The following NCOR1 variants were observed in gnomAD, a reference collection of about 807,000 sequenced individuals.
The protein encoded by NCOR1 is nuclear receptor corepressor 1, also known as protein phosphatase 1, regulatory subunit 109.
Under a neutral mutation model 288.1 loss-of-function variants are expected in NCOR1, and 63 were observed. That is an observed-to-expected ratio of 0.22 (90% CI 0.18 to 0.27). The LOEUF is 0.27. Among genes scored for constraint, NCOR1 ranks in the 10% least tolerant of loss-of-function variants. The pLI, the probability that NCOR1 is intolerant of heterozygous loss-of-function variation, is 1.00. For missense variants in NCOR1, 2,397 were observed against 3,019.2 expected (o/e 0.79, Z 4.83); for synonymous variants, 1,007 against 1,065.9 (o/e 0.94, Z 1.08).
rs2057167846 is a variant in NCOR1, at chr17:16,039,659, AAG to A, written c.6734-7_6734-6del. The A allele has an allele frequency of 6.2e-7, 1 of 1,609,960 alleles. No individual in the cohort carries two copies. Among genetic ancestry groups the A allele is most frequent in the Non-Finnish European group, 8.5e-7 (1 of 1,177,612 alleles). ...GGCCTCTAGAGCTAACTGAGCCTGAAAGAGAATCAAAAACATTTCCACTTATT... is the reference window on the plus strand; with the variant it reads ...GGCCTCTAGAGCTAACTGAGCCTGAAAGAATCAAAAACATTTCCACTTATT... On this transcript the variant is annotated splice_polypyrimidine_tract_variant and splice_region_variant and intron_variant, in intron 43 of 45. Coordinates refer to ENST00000268712, the MANE Select transcript of NCOR1 (RefSeq NM_006311.4).
At chr17:16,094,775 T>C (rs532548628) in intron 21 of NCOR1, among the ~76,000 whole-genome samples, 116 of 150,878 alleles carry the variant, frequency 7.7e-4, no homozygotes, top group African/African-American at 1.3e-3. Flanking sequence ...CTGTGTTGGC[T>C]GGGCTGGTCT....
chr17:16,148,452 A>T (rs1048714287), intron 9 of NCOR1, among the ~76,000 whole-genome samples: 2 of 152,150 alleles, frequency 1.3e-5, no homozygotes, highest in Admixed American at 6.5e-5. Flanking sequence ...TACTAAAACC[A>T]TATGGCTATC....
At chr17:16,094,770 T>C (rs560243289) in intron 21 of NCOR1, among the ~76,000 whole-genome samples, 35 of 152,218 alleles carry the variant, frequency 2.3e-4, no homozygotes, top group Non-Finnish European at 4.1e-4. Flanking sequence ...TTTCGCTGTG[T>C]TGGCTGGGCT....
rs1345347575 is a variant in NCOR1, at chr17:16,032,068, TTA to T, written c.*226_*227del. ...TCTACATCTCAACCCTCCACTATTA[TTA>T]TAGTCCACTGAATTGCCTGTATCAA... On this transcript the variant is annotated 3_prime_UTR_variant, in exon 46 of 46. Transcript: ENST00000268712. The T allele has an allele frequency of 2.0e-6, 1 of 495,348 alleles. No individual in the cohort carries two copies. Among genetic ancestry groups the T allele is most frequent in the Non-Finnish European group, 3.5e-6 (1 of 284,098 alleles). The allele number at this position is 495,348 out of a possible 1,614,324, so 30.7% of individuals were successfully genotyped here. A position where few individuals can be genotyped will look rare whatever the true frequency, so the allele number is the denominator to read the frequency against.
chr17:16,080,760 A>G, intron 23 of NCOR1, 33 bp from the exon 24 acceptor site: 1 of 1,586,250 alleles, frequency 6.3e-7, no homozygotes. Context: ...TTTAAAGATT[A>G]AGCAAACATT....
chr17:16,186,716 A>G (rs375986763), intron 2 of NCOR1, 29 bp from the exon 3 acceptor site: 4 of 1,602,738 alleles, frequency 2.5e-6, no homozygotes, highest in Non-Finnish European at 3.4e-6. Flanking sequence ...TAAATCAATT[A>G]TTAACCAAAA....
At chr17:16,068,316 CTG>C (rs2061359494) in intron 31 of NCOR1, 195 bp from the exon 32 acceptor site, 5 of 569,934 alleles carry the variant, frequency 8.8e-6, no homozygotes, top group South Asian at 8.2e-5. Context: ...CTAGTAGAAA[CTG>C]AGATTTGGAG....
At chr17:16,191,839 G>A (rs1007086509) in intron 2 of NCOR1, 8 of 150,966 alleles carry the variant, frequency 5.3e-5, no homozygotes, top group African/African-American at 9.7e-5. Flanking sequence ...ACAGCCAGGC[G>A]TCGTGACTCA....
intron 27 of NCOR1, among the ~76,000 whole-genome samples, chr17:16,074,541 C>T (rs73280217): frequency 0.026 from 3,885 of 152,180 alleles, 163 homozygotes; most frequent in African/African-American, 0.089. Context: ...ATATGCCAGA[C>T]GTGTAAAGGA....
intron 40 of NCOR1, among the ~76,000 whole-genome samples, chr17:16,053,004 TA>T (rs1184855198): frequency 6.6e-6 from 1 of 152,168 alleles, no homozygotes; most frequent in Non-Finnish European, 1.5e-5. Context: ...CCTTTCATGT[TA>T]AAAACTCTCA....
intron 22 of NCOR1, 27 bp downstream of exon 22, chr17:16,091,836 C>A (rs749444140): frequency 6.2e-7 from 1 of 1,613,304 alleles, no homozygotes; most frequent in Non-Finnish European, 8.5e-7. Context: ...CATAAAAGTT[C>A]TCTTGGTGAT....
chr17:16,096,600 G>A (rs1040660627), intron 21 of NCOR1, among the ~76,000 whole-genome samples: 2 of 152,100 alleles, frequency 1.3e-5, no homozygotes, highest in Non-Finnish European at 2.9e-5. Context: ...AATATTTATG[G>A]CTAGAGCATT....
At position 16,121,153 on chromosome 17, in the gene NCOR1, C is replaced by T. The variant is rs2153152130; in HGVS notation, c.1751G>A (p.Arg584Gln). 6.2e-7 allele frequency: 1 copy of T among 1,614,132 alleles called. No individual in the cohort carries two copies. Among genetic ancestry groups the T allele is most frequent in the Non-Finnish European group, 8.5e-7 (1 of 1,180,028 alleles). Residue 584 changes from arginine (R) to glutamine (Q), a missense_variant, in exon 16 of 46, where the codon CGG becomes CAG. Around this residue, in one of 11 missense-constraint regions of NCOR1, gnomAD observed 113 missense variants for 139.5 expected, o/e 0.81. Coordinates refer to ENST00000268712, the MANE Select transcript of NCOR1 (RefSeq NM_006311.4). ...TTCGTTTGTCATGGACCTGGTGATCCGGCCCTTACGGCGGCCCTGACTGTT... is the reference window on the plus strand; with the variant it reads ...TTCGTTTGTCATGGACCTGGTGATCTGGCCCTTACGGCGGCCCTGACTGTT... ...TANSQGRRKG[R>Q]ITRSMTNEAA...
intron 15 of NCOR1, among the ~76,000 whole-genome samples, chr17:16,124,132 A>C (rs1426863469): frequency 2.0e-5 from 3 of 152,368 alleles, no homozygotes; most frequent in South Asian, 2.1e-4. Context: ...TGAGAAGAAT[A>C]TCTGTCTCTT....
intron 14 of NCOR1, 30 bp from the exon 15 acceptor site, chr17:16,126,236 T>C: frequency 6.6e-7 from 1 of 1,507,624 alleles, no homozygotes; most frequent in South Asian, 1.4e-5. Context: ...TTTGTAAAAT[T>C]CAAAGGCAAA....
chr17:16,038,562 C>T (rs974415904), intron 44 of NCOR1, among the ~76,000 whole-genome samples: 2 of 151,726 alleles, frequency 1.3e-5, no homozygotes, highest in African/African-American at 4.8e-5. Flanking sequence ...TCGGCCCCCA[C>T]AAGTAACTGG....
chr17:16,211,027 GGC>G (rs2092080289), intron 1 of NCOR1, among the ~76,000 whole-genome samples: 1 of 151,950 alleles, frequency 6.6e-6, no homozygotes, highest in African/African-American at 2.4e-5. Context: ...CACCGCGCCT[GGC>G]CGATTTTTAA....
intron 5 of NCOR1, among the ~76,000 whole-genome samples, chr17:16,163,189 A>T (rs2081232770): frequency 6.6e-6 from 1 of 152,164 alleles, no homozygotes; most frequent in Non-Finnish European, 1.5e-5. Context: ...AACAAAATTC[A>T]AAACTTTTAT....
At chr17:16,181,186 T>C (rs2085336659) in intron 3 of NCOR1, among the ~76,000 whole-genome samples, 1 of 144,840 alleles carries the variant, frequency 6.9e-6, no homozygotes, top group Admixed American at 7.2e-5. Context: ...GAAAATGTGA[T>C]GTGTGTGTGT....
Sources: gnomAD v4.1 joint callset for allele counts (sites outside exome capture counted in the v4.1 genomes callset) on GRCh38, gnomAD v4.1.1 for gene constraint, gnomAD v4.1.1 regional missense constraint, MANE v1.5 for transcripts, NCBI Gene and HGNC (gene_info 2026-07-23, HGNC 2026-07-21) for gene names.